The following ITSN1 variants were observed in gnomAD, a reference collection of about 807,000 sequenced individuals.
ITSN1 encodes intersectin-1.
In ITSN1, 58 loss-of-function variants were observed where a neutral mutation model predicts 239.8. That is an observed-to-expected ratio of 0.24 (90% CI 0.20 to 0.30). ITSN1 has a LOEUF of 0.30. Ranked by LOEUF, ITSN1 falls within the 10% of genes least tolerant of loss-of-function variation. The pLI, the probability that ITSN1 is intolerant of heterozygous loss-of-function variation, is 1.00. For missense variants in ITSN1, 1,558 were observed against 2,103.3 expected, an observed-to-expected ratio of 0.74 and a Z score of 5.07; for synonymous variants, 780 against 770.8, an observed-to-expected ratio of 1.01 and a Z score of -0.20.
chr21:33,678,143 C>A (rs1469247113), intron 1 of ITSN1, among the ~76,000 whole-genome samples: 2 of 152,152 alleles, frequency 1.3e-5, no homozygotes, highest in African/African-American at 4.8e-5. Context: ...GGTAGCCTAA[C>A]ATGTCTCTTT....
intron 28 of ITSN1, among the ~76,000 whole-genome samples, chr21:33,835,341 C>G (rs2074542082): frequency 6.6e-6 from 1 of 152,140 alleles, no homozygotes; most frequent in African/African-American, 2.4e-5. Flanking sequence ...CCCTCCACTT[C>G]CATGTACAGC....
intron 5 of ITSN1, among the ~76,000 whole-genome samples, chr21:33,748,863 TCAAA>T (rs769545328): frequency 6.6e-6 from 1 of 151,670 alleles, no homozygotes; most frequent in East Asian, 1.9e-4. Context: ...AGATCTTGTC[TCAAA>T]CAAACAAAAA....
intron 1 of ITSN1, among the ~76,000 whole-genome samples, chr21:33,708,645 C>A (rs1437438537): frequency 6.6e-6 from 1 of 152,188 alleles, no homozygotes; most frequent in African/African-American, 2.4e-5. Context: ...CTTGGCCTCC[C>A]AAAGTGCTGG....
intron 1 of ITSN1, among the ~76,000 whole-genome samples, chr21:33,718,316 G>A (rs1297229400): frequency 6.6e-6 from 1 of 152,186 alleles, no homozygotes; most frequent in Non-Finnish European, 1.5e-5. Flanking sequence ...GGTACAGTCA[G>A]CCCTCCGTAT....
At chr21:33,854,627 G>A (rs1978963802) in intron 29 of ITSN1, among the ~76,000 whole-genome samples, 2 of 152,250 alleles carry the variant, frequency 1.3e-5, no homozygotes, top group Admixed American at 1.3e-4. Context: ...CAGCTTGGCT[G>A]AACTGAATGA....
chr21:33,696,112 T>G (rs1474238036), intron 1 of ITSN1, among the ~76,000 whole-genome samples: 1 of 152,212 alleles, frequency 6.6e-6, no homozygotes, highest in East Asian at 1.9e-4. Context: ...TGGTTTTTGT[T>G]AATGACTGCA....
At chr21:33,736,047 A>G (rs761146602) in intron 5 of ITSN1, among the ~76,000 whole-genome samples, 38 of 152,228 alleles carry the variant, frequency 2.5e-4, no homozygotes, top group Non-Finnish European at 5.1e-4. Flanking sequence ...TATTTTTCTT[A>G]TAAGCTAATT....
intron 1 of ITSN1, among the ~76,000 whole-genome samples, chr21:33,693,828 T>C (rs192179743): frequency 1.0e-3 from 153 of 152,366 alleles, no homozygotes; most frequent in African/African-American, 3.4e-3. Context: ...AGGGTTATCT[T>C]ATCTGATACA....
At chr21:33,672,043 A>G (rs573055169) in intron 1 of ITSN1, among the ~76,000 whole-genome samples, 4 of 151,808 alleles carry the variant, frequency 2.6e-5, no homozygotes, top group Admixed American at 6.6e-5. Context: ...TTGGGAGTTC[A>G]AGACCAGCCT....
intron 1 of ITSN1, among the ~76,000 whole-genome samples, chr21:33,693,807 T>G (rs888812957): frequency 2.0e-5 from 3 of 152,238 alleles, no homozygotes; most frequent in Non-Finnish European, 4.4e-5. Context: ...CACAGTCCTG[T>G]GGAAGGGCAC....
intron 18 of ITSN1, among the ~76,000 whole-genome samples, chr21:33,799,069 G>A (rs1419279796): frequency 2.6e-5 from 4 of 152,116 alleles, no homozygotes; most frequent in African/African-American, 9.7e-5. Flanking sequence ...AGATAAGATA[G>A]GTATATGTCA....
intron 1 of ITSN1, among the ~76,000 whole-genome samples, chr21:33,688,654 A>C (rs1471103329): frequency 1.3e-5 from 2 of 152,174 alleles, no homozygotes; most frequent in Non-Finnish European, 2.9e-5. Context: ...CAGAGGGAAC[A>C]ACAGAAAAAA....
intron 20 of ITSN1, among the ~76,000 whole-genome samples, chr21:33,808,382 C>T (rs551213138): frequency 2.0e-5 from 3 of 152,166 alleles, no homozygotes; most frequent in East Asian, 1.9e-4. Flanking sequence ...GTCAGGAGTT[C>T]GAGACCAGCC....
At chr21:33,813,856 A>G in intron 21 of ITSN1, 57 bp from the exon 22 acceptor site, 1 of 1,492,412 alleles carries the variant, frequency 6.7e-7, no homozygotes, top group Non-Finnish European at 9.0e-7. Context: ...ACTGTGGGTA[A>G]AAAGCTGGTA....
chr21:33,828,533 T>C (rs2148347005), intron 26 of ITSN1, among the ~76,000 whole-genome samples: 1 of 152,374 alleles, frequency 6.6e-6, no homozygotes, highest in South Asian at 2.1e-4. Context: ...GAGTCTTACT[T>C]GTTCCCTGGA....
intron 29 of ITSN1, among the ~76,000 whole-genome samples, chr21:33,848,251 G>C (rs1286359923): frequency 6.6e-6 from 1 of 152,210 alleles, no homozygotes; most frequent in Non-Finnish European, 1.5e-5. Context: ...GTTAGGGTGA[G>C]CCCTAATTCC....
chr21:33,718,041 C>T (rs567287815), intron 1 of ITSN1, among the ~76,000 whole-genome samples: 2 of 152,228 alleles, frequency 1.3e-5, no homozygotes, highest in South Asian at 2.1e-4. Context: ...GTTAGCAGGA[C>T]AGCTAACTCC....
intron 29 of ITSN1, chr21:33,838,621 T>C (rs2148420245): frequency 9.5e-6 from 2 of 210,588 alleles, no homozygotes; most frequent in East Asian, 3.7e-4. Context: ...CTCTTTGAAA[T>C]ACAGACATTA....
intron 1 of ITSN1, among the ~76,000 whole-genome samples, chr21:33,650,914 C>T (rs2088461934): frequency 2.6e-5 from 4 of 152,062 alleles, no homozygotes; most frequent in Admixed American, 2.6e-4. Context: ...TTTTTAGACC[C>T]CTTCAGATAC....
Sources: allele counts gnomAD v4.1 joint callset (sites outside exome capture counted in the v4.1 genomes callset), GRCh38; gene constraint gnomAD v4.1.1; transcripts MANE v1.5; gene names NCBI Gene and HGNC (gene_info 2026-07-23, HGNC 2026-07-21).